CDH13: variants seen among roughly 807,000 people sequenced by gnomAD.
The protein encoded by CDH13 is cadherin-13.
Under a neutral mutation model 63.8 loss-of-function variants are expected in CDH13, and 24 were observed. The observed-to-expected ratio is 0.38, with a 90% CI of 0.27 to 0.53. The LOEUF is 0.53. Ranked by LOEUF, CDH13 falls within the 20% of genes least tolerant of loss-of-function variation. The probability of loss-of-function intolerance (pLI) is 0.85; values close to 1 mark genes in which losing one functional copy is unlikely to be tolerated. For synonymous variants in CDH13, 503 were observed against 355.3 expected, an observed-to-expected ratio of 1.42 and a Z score of -4.67; for missense variants, 1,049 against 903.1, an observed-to-expected ratio of 1.16 and a Z score of -2.07.
intron 5 of CDH13, among the ~76,000 whole-genome samples, chr16:83,225,977 C>G (rs2039826010): frequency 6.6e-6 from 1 of 152,210 alleles, no homozygotes; most frequent in Admixed American, 6.5e-5. Flanking sequence ...CTGCTTCACT[C>G]TGAGCAAACA....
At chr16:83,529,651 T>G (rs1166314601) in intron 7 of CDH13, among the ~76,000 whole-genome samples, 1 of 152,226 alleles carries the variant, frequency 6.6e-6, no homozygotes, top group African/African-American at 2.4e-5. Context: ...ATGGATGATC[T>G]GTACTACTGT....
chr16:82,664,598 G>T (rs560570908), intron 1 of CDH13, among the ~76,000 whole-genome samples: 1 of 152,178 alleles, frequency 6.6e-6, no homozygotes, highest in Admixed American at 6.5e-5. Flanking sequence ...TGGGAGAAAG[G>T]ACCCAAGTTT....
At chr16:83,656,897 C>T (rs747042652) in intron 8 of CDH13, among the ~76,000 whole-genome samples, 1 of 152,190 alleles carries the variant, frequency 6.6e-6, no homozygotes, top group Non-Finnish European at 1.5e-5. Flanking sequence ...ATCGACACTG[C>T]TGGTGGCTTA....
At chr16:82,684,827 C>G (rs1348364243) in intron 1 of CDH13, among the ~76,000 whole-genome samples, 2 of 152,238 alleles carry the variant, frequency 1.3e-5, no homozygotes, top group Non-Finnish European at 2.9e-5. Flanking sequence ...CCAAGTTGTG[C>G]TTTCTTAAGG....
At chr16:82,831,064 G>A (rs1325065532) in intron 1 of CDH13, among the ~76,000 whole-genome samples, 1 of 151,982 alleles carries the variant, frequency 6.6e-6, no homozygotes, top group Non-Finnish European at 1.5e-5. Flanking sequence ...CCCAATGCGT[G>A]GTCCATGGAC....
intron 1 of CDH13, among the ~76,000 whole-genome samples, chr16:82,673,305 T>C (rs1021802926): frequency 6.6e-6 from 1 of 152,170 alleles, no homozygotes; most frequent in African/African-American, 2.4e-5. Flanking sequence ...CATTCATTCA[T>C]TCAATAAACA....
chr16:83,201,349 G>T (rs1388947148), intron 4 of CDH13, among the ~76,000 whole-genome samples: 1 of 151,800 alleles, frequency 6.6e-6, no homozygotes, highest in East Asian at 1.9e-4. Context: ...GGTACTGAGG[G>T]TTCGGTGAAG....
At chr16:83,363,749 G>A (rs573580275) in intron 6 of CDH13, among the ~76,000 whole-genome samples, 6 of 152,254 alleles carry the variant, frequency 3.9e-5, no homozygotes, top group South Asian at 2.1e-4. Context: ...CCTTTGGAAC[G>A]GCAGCTCTCA....
chr16:83,692,417 C>G (rs1369289888), intron 10 of CDH13, among the ~76,000 whole-genome samples: 1 of 152,200 alleles, frequency 6.6e-6, no homozygotes, highest in African/African-American at 2.4e-5. Context: ...CTGCCATCAT[C>G]TGATGACAGG....
chr16:83,556,382 A>G (rs911174082), intron 7 of CDH13, among the ~76,000 whole-genome samples: 4 of 152,206 alleles, frequency 2.6e-5, no homozygotes, highest in Admixed American at 2.6e-4. Flanking sequence ...AATCCACCAC[A>G]GTCCTCAGCA....
Position 83,744,527 on chromosome 16 carries a change from C to T in CDH13, c.1539-3581C>T, listed in dbSNP as rs147307803. Among the ~76,000 whole-genome samples, 550 of 152,370 alleles carry T rather than the reference C, an allele frequency of 3.6e-3. 2 individuals carry two copies. Among genetic ancestry groups the T allele is most frequent in the African/African-American group, 0.013 (536 of 41,596 alleles). On this transcript the variant is annotated intron_variant, in intron 10 of 13. Transcript: ENST00000567109. Reference sequence around the variant, plus strand: ...CGTTCGCCTCATCCGTTCTCCCCATCTGTCCCCTGTCACAGTTGCAGCATC... The same window carrying T: ...CGTTCGCCTCATCCGTTCTCCCCATTTGTCCCCTGTCACAGTTGCAGCATC...
intron 1 of CDH13, among the ~76,000 whole-genome samples, chr16:82,655,161 A>C (rs1005720632): frequency 1.4e-4 from 22 of 152,234 alleles, no homozygotes; most frequent in African/African-American, 5.1e-4. Flanking sequence ...GCCCGCAAGC[A>C]CCAGGAAAAT....
chr16:82,832,761 T>C (rs2038603048), intron 1 of CDH13, among the ~76,000 whole-genome samples: 1 of 152,204 alleles, frequency 6.6e-6, no homozygotes, highest in Non-Finnish European at 1.5e-5. Context: ...AATAACTGTA[T>C]ATTCTGAAAT....
intron 10 of CDH13, among the ~76,000 whole-genome samples, chr16:83,687,566 G>A (rs959212117): frequency 6.6e-6 from 1 of 152,300 alleles, no homozygotes; most frequent in East Asian, 1.9e-4. Flanking sequence ...TCCAACATTG[G>A]AGATTATATT....
At chr16:82,788,927 AG>A (rs2036155774) in intron 1 of CDH13, among the ~76,000 whole-genome samples, 1 of 152,218 alleles carries the variant, frequency 6.6e-6, no homozygotes, top group East Asian at 1.9e-4. Flanking sequence ...GAAACTGAGC[AG>A]GACTTGGGCA....
intron 8 of CDH13, among the ~76,000 whole-genome samples, chr16:83,621,671 G>C (rs1598381672): frequency 6.6e-6 from 1 of 151,560 alleles, no homozygotes; most frequent in Admixed American, 6.6e-5. Context: ...ATTTTTAGTA[G>C]AGACGAGGTT....
At chr16:82,981,199 C>T (rs542983245) in intron 2 of CDH13, among the ~76,000 whole-genome samples, 1 of 152,192 alleles carries the variant, frequency 6.6e-6, no homozygotes, top group Non-Finnish European at 1.5e-5. Flanking sequence ...TAATAAACTT[C>T]CACTTTCCGT....
Position 83,686,565 on chromosome 16 carries a change from T to C in CDH13, c.1538+8104T>C, listed in dbSNP as rs527546572. ...ATATTTGCAAAAGTGTCTTTACATTTGCAAACTATTTGTAGCTCTCACCTT... is the reference window on the plus strand; with the variant it reads ...ATATTTGCAAAAGTGTCTTTACATTCGCAAACTATTTGTAGCTCTCACCTT... On this transcript the variant is annotated intron_variant, in intron 10 of 13. Coordinates refer to ENST00000567109, the MANE Select transcript of CDH13 (RefSeq NM_001257.5). Among the ~76,000 whole-genome samples the C allele has an allele frequency of 4.4e-4, 67 of 152,358 alleles. 1 individual carries two copies. The South Asian group carries it at 0.013, about 30-fold the overall frequency.
chr16:83,701,560 T>C (rs528084258), intron 10 of CDH13, among the ~76,000 whole-genome samples: 1 of 152,302 alleles, frequency 6.6e-6, no homozygotes, highest in Admixed American at 6.5e-5. Context: ...ACTAAAACCC[T>C]GGAGTCTCTG....
Sources: gnomAD v4.1 joint callset for allele counts (sites outside exome capture counted in the v4.1 genomes callset) on GRCh38, gnomAD v4.1.1 for gene constraint, MANE v1.5 for transcripts, NCBI Gene and HGNC (gene_info 2026-07-23, HGNC 2026-07-21) for gene names.